The following TNR variants were observed in gnomAD, a reference collection of about 807,000 sequenced individuals.
TNR encodes the protein tenascin R.
TNR carries 45 observed loss-of-function variants against 150.4 expected under a neutral mutation model. That is an observed-to-expected ratio of 0.30 (90% confidence interval 0.24 to 0.38). The LOEUF is 0.38. TNR is among the 10% of genes least tolerant of loss of function. The pLI, the probability that TNR is intolerant of heterozygous loss-of-function variation, is 1.00. For synonymous variants in TNR, 687 were observed against 678.4 expected (o/e 1.01, Z -0.20); for missense variants, 1,544 against 1,759.1 (o/e 0.88, Z 2.19).
chr1:175,623,091 A>G (rs1469321789), intron 1 of TNR, among the ~76,000 whole-genome samples: 3 of 152,170 alleles, frequency 2.0e-5, no homozygotes, highest in Admixed American at 2.0e-4. Context: ...GACAAATTCA[A>G]CCTATAACAG....
At chr1:175,340,317 G>A (rs896016716) in intron 18 of TNR, among the ~76,000 whole-genome samples, 3 of 152,090 alleles carry the variant, frequency 2.0e-5, no homozygotes, top group African/African-American at 7.2e-5. Context: ...AGGCCATTTG[G>A]TTGTTTATAG....
intron 1 of TNR, among the ~76,000 whole-genome samples, chr1:175,575,648 T>C (rs1429401722): frequency 6.6e-6 from 1 of 151,840 alleles, no homozygotes; most frequent in Non-Finnish European, 1.5e-5. Context: ...GGAAAGACTT[T>C]GTGGAGGTTT....
chr1:175,554,033 G>A (rs1661054053), intron 1 of TNR, among the ~76,000 whole-genome samples: 1 of 152,180 alleles, frequency 6.6e-6, no homozygotes, highest in African/African-American at 2.4e-5. Context: ...CTCATGGGAT[G>A]GCTGGAAATG....
At chr1:175,506,727 T>G (rs1369204874) in intron 2 of TNR, among the ~76,000 whole-genome samples, 1 of 152,218 alleles carries the variant, frequency 6.6e-6, no homozygotes, top group Admixed American at 6.5e-5. Flanking sequence ...ACTCACAATC[T>G]GCAATCACTT....
At chr1:175,472,846 G>A (rs1657362027) in intron 2 of TNR, among the ~76,000 whole-genome samples, 1 of 152,140 alleles carries the variant, frequency 6.6e-6, no homozygotes, top group South Asian at 2.1e-4. Context: ...GATGAATCAG[G>A]CCTCACACCT....
chr1:175,422,501 A>G (rs1374645213), intron 2 of TNR, among the ~76,000 whole-genome samples: 2 of 152,166 alleles, frequency 1.3e-5, no homozygotes, highest in African/African-American at 4.8e-5. Context: ...CTGCAGTGCT[A>G]TCTGGGAGAA....
At chr1:175,547,656 A>AG (rs1660764533) in intron 1 of TNR, among the ~76,000 whole-genome samples, 1 of 140,264 alleles carries the variant, frequency 7.1e-6, no homozygotes, top group African/African-American at 3.0e-5. Context: ...AGAAAGGAAG[A>AG]AGAAAGAAAG....
At position 175,400,775 on chromosome 1, in the gene TNR, G is replaced by A. The variant is rs541495924; in HGVS notation, c.976+2365C>T. On this transcript the variant is annotated intron_variant, in intron 4 of 22. Transcript: ENST00000367674. Reference sequence around the variant, plus strand: ...ATGGGCAATGGGAACATCGTGCTGTGGTGTGTGCACCCGGCCAGGAACGTC... The same window carrying A: ...ATGGGCAATGGGAACATCGTGCTGTAGTGTGTGCACCCGGCCAGGAACGTC... 2.0e-5 allele frequency among the ~76,000 whole-genome samples: 3 copies of A among 152,252 alleles called. No individual in the cohort carries two copies. The South Asian group carries it at 6.2e-4, about 32-fold the overall frequency.
chr1:175,653,456 A>C (rs889725923), intron 1 of TNR, among the ~76,000 whole-genome samples: 1 of 152,236 alleles, frequency 6.6e-6, no homozygotes, highest in African/African-American at 2.4e-5. Context: ...AAACAAAACA[A>C]AAACAAAAAC....
At chr1:175,391,998 G>A (rs1185170865) in intron 6 of TNR, among the ~76,000 whole-genome samples, 7 of 152,166 alleles carry the variant, frequency 4.6e-5, no homozygotes, top group Non-Finnish European at 4.4e-5. Flanking sequence ...TGAATCTGTC[G>A]ATGTCTTGTT....
chr1:175,500,368 G>T (rs1405151856), intron 2 of TNR, among the ~76,000 whole-genome samples: 1 of 152,190 alleles, frequency 6.6e-6, no homozygotes, highest in Non-Finnish European at 1.5e-5. Context: ...GAATTTCTAA[G>T]TGGATTTGGG....
chr1:175,456,669 G>T (rs1445480922), intron 2 of TNR, among the ~76,000 whole-genome samples: 1 of 152,062 alleles, frequency 6.6e-6, no homozygotes, highest in African/African-American at 2.4e-5. Context: ...ACATCCTAGA[G>T]CCATGTCTAA....
At chr1:175,378,620 G>A (rs1652521708) in intron 9 of TNR, among the ~76,000 whole-genome samples, 1 of 152,220 alleles carries the variant, frequency 6.6e-6, no homozygotes, top group African/African-American at 2.4e-5. Context: ...TAGATGAAGA[G>A]GTTCCCATCA....
intron 1 of TNR, among the ~76,000 whole-genome samples, chr1:175,580,896 C>A (rs1322954610): frequency 6.6e-6 from 1 of 151,942 alleles, no homozygotes. Flanking sequence ...CCTGTATATT[C>A]TTCTAGAAAG....
chr1:175,592,053 T>G (rs1662821252), intron 1 of TNR, among the ~76,000 whole-genome samples: 1 of 152,216 alleles, frequency 6.6e-6, no homozygotes, highest in South Asian at 2.1e-4. Context: ...TGAGAGTTTT[T>G]TTACTGCAGC....
intron 2 of TNR, among the ~76,000 whole-genome samples, chr1:175,511,815 C>T (rs895618298): frequency 3.3e-5 from 5 of 152,192 alleles, no homozygotes; most frequent in African/African-American, 7.2e-5. Context: ...GACTCTTCTT[C>T]CAGAAAGGCA....
At chr1:175,593,296 A>T (rs1013966260) in intron 1 of TNR, among the ~76,000 whole-genome samples, 2 of 152,104 alleles carry the variant, frequency 1.3e-5, no homozygotes, top group African/African-American at 2.4e-5. Context: ...ACACCCTCCA[A>T]CCCAGCCCTT....
chr1:175,320,658 T>G lies in TNR; in HGVS notation c.*2699A>C, dbSNP rs1306698459. 6.6e-6 allele frequency: 1 copy of G among 152,000 alleles called. No homozygotes were observed. The highest frequency in any genetic ancestry group is 1.9e-4 in the East Asian group (1 of 5,168). 9.4% of individuals were successfully genotyped at this position (152,000 alleles called of 1,614,324 possible). A position where few individuals can be genotyped will look rare whatever the true frequency, so the allele number is the denominator to read the frequency against. On this transcript the variant is annotated 3_prime_UTR_variant, in exon 23 of 23. Transcript: ENST00000367674. ...CTCTGTTTTTATGGACAAAAAGAGT[T>G]CAGCCTCTCACTCGGCATGATCTTT...
intron 1 of TNR, among the ~76,000 whole-genome samples, chr1:175,671,536 C>G (rs945573698): frequency 3.3e-5 from 5 of 152,172 alleles, no homozygotes; most frequent in Admixed American, 3.3e-4. Context: ...AGCATCGTGG[C>G]AGTGACAGGT....
Sources: allele counts gnomAD v4.1 joint callset (sites outside exome capture counted in the v4.1 genomes callset), GRCh38; gene constraint gnomAD v4.1.1; transcripts MANE v1.5; gene names NCBI Gene and HGNC (gene_info 2026-07-23, HGNC 2026-07-21).